Variants in LRRC4C observed in about 807,000 individuals in gnomAD.
LRRC4C encodes leucine-rich repeat-containing protein 4C.
LRRC4C carries 5 observed loss-of-function variants against 33.6 expected under a neutral mutation model. That is an observed-to-expected ratio of 0.15 (90% CI 0.08 to 0.31). LRRC4C has a LOEUF of 0.31. Ranked by LOEUF, LRRC4C falls within the 10% of genes least tolerant of loss-of-function variation. The pLI is 1.00. For missense variants in LRRC4C, 560 were observed against 796.7 expected (o/e 0.70, Z 3.58); for synonymous variants, 329 against 302.0 (o/e 1.09, Z -0.93).
At chr11:40,902,333 T>C (rs1388845636) in intron 2 of LRRC4C, among the ~76,000 whole-genome samples, 3 of 152,116 alleles carry the variant, frequency 2.0e-5, no homozygotes, top group Admixed American at 2.0e-4. Flanking sequence ...AATTGATAAA[T>C]GTTGTATGTG....
At chr11:40,251,518 C>T (rs1225278934) in intron 4 of LRRC4C, among the ~76,000 whole-genome samples, 1 of 152,116 alleles carries the variant, frequency 6.6e-6, no homozygotes, top group East Asian at 1.9e-4. Context: ...CAGCCTCATG[C>T]CCCAAAGCCT....
In LRRC4C at chr11:40,115,720, A is replaced by T; in HGVS notation, c.573T>A (p.Gly191=). The T allele has an allele frequency of 2.5e-6, 4 of 1,614,170 alleles. No homozygotes were observed. The South Asian group carries it at 4.4e-5, about 18-fold the overall frequency. Residue 191 remains glycine, a synonymous_variant, in exon 7 of 7, where the codon GGT becomes GGA. Transcript: ENST00000528697. The surrounding 1 kb of genome is among the most constrained non-coding windows in gnomAD (Gnocchi z 6.7). ...TCAAGTTGGACAGACCTTCAAAGGC[A>T]CCTTCTGAGATGTATGAAAGTCTTT... ...ELKRLSYISE[G]AFEGLSNLRY...
At chr11:41,207,066 C>T (rs1351861384) in intron 1 of LRRC4C, among the ~76,000 whole-genome samples, 2 of 152,028 alleles carry the variant, frequency 1.3e-5, no homozygotes, top group African/African-American at 2.4e-5. Flanking sequence ...ATTTAATATG[C>T]TTAAAATGCC....
intron 1 of LRRC4C, among the ~76,000 whole-genome samples, chr11:41,085,928 C>CAAAAAAA (rs10717008): frequency 1.1e-4 from 9 of 80,160 alleles, no homozygotes; most frequent in Non-Finnish European, 1.4e-4. Flanking sequence ...TTTAAGACAC[C>CAAAAAAA]AAAAAAAAAA....
rs572683741 is a variant in LRRC4C at position 40,986,279 on chromosome 11, T to C, written c.-495-52556A>G. 1.2e-4 allele frequency among the ~76,000 whole-genome samples: 18 copies of C among 151,984 alleles called. No homozygotes were observed. In the South Asian group the frequency reaches 3.3e-3, roughly 28 times the overall value. ...ATGTCTGACTCATGAGTTTAAAAGG[T>C]GAAAAGTCCAAATCAAATACAGAAA... On this transcript the variant is annotated intron_variant, in intron 1 of 6. Transcript: ENST00000528697.
chr11:41,165,705 G>A (rs1483611574), intron 1 of LRRC4C, among the ~76,000 whole-genome samples: 1 of 152,070 alleles, frequency 6.6e-6, no homozygotes, highest in Non-Finnish European at 1.5e-5. Context: ...GCTCAAACCT[G>A]TAGGAGAATG....
chr11:40,189,015 C>T (rs535890068), intron 5 of LRRC4C, among the ~76,000 whole-genome samples: 32 of 152,258 alleles, frequency 2.1e-4, no homozygotes, highest in Middle Eastern at 3.4e-3. Flanking sequence ...TGGGCAAACA[C>T]GATTGTGTGT....
chr11:41,070,400 AG>A (rs1401755925), intron 1 of LRRC4C, among the ~76,000 whole-genome samples: 1 of 152,146 alleles, frequency 6.6e-6, no homozygotes, highest in African/African-American at 2.4e-5. Context: ...TTGCAACAAA[AG>A]CCAAAATTAA....
intron 1 of LRRC4C, among the ~76,000 whole-genome samples, chr11:40,993,529 T>C (rs1346657321): frequency 6.6e-6 from 1 of 152,214 alleles, no homozygotes; most frequent in Non-Finnish European, 1.5e-5. Flanking sequence ...GACACCTGCA[T>C]TGAAACTTTT....
intron 3 of LRRC4C, among the ~76,000 whole-genome samples, chr11:40,491,515 C>T (rs1234542314): frequency 1.3e-5 from 2 of 152,048 alleles, no homozygotes; most frequent in South Asian, 2.1e-4. Flanking sequence ...TCAATTTCAC[C>T]ATCTATTGAC....
At chr11:40,257,219 A>G (rs1867278704) in intron 4 of LRRC4C, among the ~76,000 whole-genome samples, 1 of 152,186 alleles carries the variant, frequency 6.6e-6, no homozygotes, top group Non-Finnish European at 1.5e-5. Flanking sequence ...TGGATTTGAT[A>G]GAAACAAATA....
chr11:40,887,578 C>T (rs544161148), intron 2 of LRRC4C, among the ~76,000 whole-genome samples: 1 of 152,114 alleles, frequency 6.6e-6, no homozygotes, highest in South Asian at 2.1e-4. Flanking sequence ...GTTAAAAACA[C>T]ATTGGAGTTG....
chr11:40,382,950 C>G lies in LRRC4C; in HGVS notation c.-269-63229G>C, dbSNP rs866253229. On this transcript the variant is annotated intron_variant, in intron 3 of 6. Coordinates refer to ENST00000528697, the MANE Select transcript of LRRC4C (RefSeq NM_001258419.2). ...CCTCGTGATCCGCCTGCCTCGGCCTCCCAAAGTACTGGGATTACAGGCGTG... is the reference window on the plus strand; with the variant it reads ...CCTCGTGATCCGCCTGCCTCGGCCTGCCAAAGTACTGGGATTACAGGCGTG... Among the ~76,000 whole-genome samples the G allele has an allele frequency of 3.3e-5, 5 of 152,160 alleles. 1 individual carries two copies. The South Asian group carries it at 6.2e-4, about 19-fold the overall frequency.
intron 3 of LRRC4C, among the ~76,000 whole-genome samples, chr11:40,541,955 G>T (rs1956725858): frequency 6.6e-6 from 1 of 151,970 alleles, no homozygotes; most frequent in African/African-American, 2.4e-5. Flanking sequence ...CTTGATATTT[G>T]ACTCTTCTTT....
intron 1 of LRRC4C, among the ~76,000 whole-genome samples, chr11:41,209,650 A>C (rs1590940848): frequency 6.6e-6 from 1 of 151,874 alleles, no homozygotes; most frequent in East Asian, 1.9e-4. Flanking sequence ...GTCTCAAAAA[A>C]AAAAAAAAAT....
At chr11:40,504,732 T>C (rs1487811081) in intron 3 of LRRC4C, among the ~76,000 whole-genome samples, 2 of 152,198 alleles carry the variant, frequency 1.3e-5, no homozygotes, top group African/African-American at 2.4e-5. Context: ...TTAACTATTT[T>C]ACTGTCTAGA....
At chr11:41,059,791 G>A (rs1464593479) in intron 1 of LRRC4C, among the ~76,000 whole-genome samples, 1 of 152,148 alleles carries the variant, frequency 6.6e-6, no homozygotes, top group Admixed American at 6.5e-5. Flanking sequence ...TTGGGAGGCT[G>A]AGAAAGGTGG....
chr11:41,287,284 G>A (rs1949857956), intron 1 of LRRC4C, among the ~76,000 whole-genome samples: 1 of 152,130 alleles, frequency 6.6e-6, no homozygotes, highest in East Asian at 1.9e-4. Flanking sequence ...GGCATTTAGT[G>A]TATCATTTTT....
At chr11:41,121,564 A>C (rs1373185071) in intron 1 of LRRC4C, among the ~76,000 whole-genome samples, 1 of 152,214 alleles carries the variant, frequency 6.6e-6, no homozygotes, top group Non-Finnish European at 1.5e-5. Context: ...TAAATGTTAG[A>C]TAATTCAACC....
Sources: allele counts gnomAD v4.1 joint callset (sites outside exome capture counted in the v4.1 genomes callset), GRCh38; gene constraint gnomAD v4.1.1; non-coding constraint Gnocchi (gnomAD v3.1); transcripts MANE v1.5; gene names NCBI Gene and HGNC (gene_info 2026-07-23, HGNC 2026-07-21).